The following NDST3 variants were observed in gnomAD, a reference collection of about 807,000 sequenced individuals.
NDST3 encodes the protein bifunctional heparan sulfate N-deacetylase/N-sulfotransferase 3.
NDST3 carries 58 observed loss-of-function variants against 96.1 expected under a neutral mutation model. The observed-to-expected ratio is 0.60, with a 90% CI of 0.49 to 0.75. NDST3 has a LOEUF of 0.75. NDST3 is among the 30% of genes least tolerant of loss of function. The probability of loss-of-function intolerance (pLI) is 0.00; values close to 1 mark genes in which losing one functional copy is unlikely to be tolerated. For synonymous variants in NDST3, 333 were observed against 359.7 expected (o/e 0.93, Z 0.84); for missense variants, 788 against 1,034.2 (o/e 0.76, Z 3.27).
intron 4 of NDST3, among the ~76,000 whole-genome samples, chr4:118,124,477 C>A (rs898847381): frequency 1.3e-5 from 2 of 152,032 alleles, no homozygotes; most frequent in Admixed American, 1.3e-4. Context: ...CCTTACTTGG[C>A]AAATGAGGGA....
intron 2 of NDST3, among the ~76,000 whole-genome samples, chr4:118,098,415 G>T (rs2389525): frequency 0.75 from 114,340 of 151,810 alleles, 45,701 homozygotes; most frequent in South Asian, 0.92. Flanking sequence ...TTTTGACTAA[G>T]CATGTCAACC....
intron 1 of NDST3, among the ~76,000 whole-genome samples, chr4:118,052,386 G>A (rs1265706653): frequency 1.3e-5 from 2 of 151,990 alleles, no homozygotes; most frequent in Non-Finnish European, 2.9e-5. Flanking sequence ...CTATTAGAGG[G>A]AGGAAGAAGG....
intron 8 of NDST3, among the ~76,000 whole-genome samples, chr4:118,228,630 T>C (rs750016724): frequency 1.7e-4 from 26 of 152,216 alleles, no homozygotes; most frequent in Non-Finnish European, 3.2e-4. Context: ...CCATTTTAAA[T>C]GTACAATTAG....
intron 4 of NDST3, among the ~76,000 whole-genome samples, chr4:118,123,187 T>C (rs902330877): frequency 2.6e-5 from 4 of 152,194 alleles, no homozygotes; most frequent in African/African-American, 7.2e-5. Flanking sequence ...CAAGCATTAC[T>C]GTCCTGGTGG....
At chr4:118,072,574 A>G (rs1418568783) in intron 2 of NDST3, among the ~76,000 whole-genome samples, 1 of 152,060 alleles carries the variant, frequency 6.6e-6, no homozygotes, top group African/African-American at 2.4e-5. Flanking sequence ...TTGTACATTG[A>G]CTTTGTATCT....
chr4:118,216,419 G>A (rs1350361078), intron 6 of NDST3, among the ~76,000 whole-genome samples: 3 of 152,104 alleles, frequency 2.0e-5, no homozygotes, highest in Admixed American at 6.6e-5. Context: ...CAATTACTAT[G>A]TGGCAGGCAG....
intron 1 of NDST3, among the ~76,000 whole-genome samples, chr4:118,049,349 C>G (rs1011238221): frequency 6.6e-5 from 10 of 151,102 alleles, no homozygotes; most frequent in Non-Finnish European, 1.5e-4. Context: ...CCACAGCTGG[C>G]AGAAAAAAAT....
chr4:118,238,275 C>T (rs1323509451), intron 10 of NDST3, among the ~76,000 whole-genome samples: 2 of 152,056 alleles, frequency 1.3e-5, no homozygotes, highest in African/African-American at 2.4e-5. Flanking sequence ...GAGAGCCTAA[C>T]ATGTCTAAAT....
At chr4:118,169,607 A>C (rs9998199) in intron 6 of NDST3, among the ~76,000 whole-genome samples, 10,085 of 152,152 alleles carry the variant, frequency 0.066, 735 homozygotes, top group African/African-American at 0.18. Flanking sequence ...TAGCCTGGCC[A>C]ACATGGCAAA....
At chr4:118,128,069 T>C (rs940999741) in intron 4 of NDST3, among the ~76,000 whole-genome samples, 5 of 152,138 alleles carry the variant, frequency 3.3e-5, no homozygotes, top group African/African-American at 1.2e-4. Flanking sequence ...GTTTATCAGT[T>C]CTAATAGTTT....
chr4:118,034,133 G>A (rs1724020548), upstream of NDST3, among the ~76,000 whole-genome samples: 1 of 152,202 alleles, frequency 6.6e-6, no homozygotes, highest in South Asian at 2.1e-4. Flanking sequence ...AGCCTCTTGA[G>A]TGACTGTGGG....
chr4:118,106,585 T>C (rs1160785889), intron 3 of NDST3, among the ~76,000 whole-genome samples: 1 of 152,106 alleles, frequency 6.6e-6, no homozygotes, highest in African/African-American at 2.4e-5. Flanking sequence ...ACATCTGGAA[T>C]TGATTTTTGT....
At chr4:118,052,571 G>T (rs757356328) in intron 1 of NDST3, among the ~76,000 whole-genome samples, 1 of 151,892 alleles carries the variant, frequency 6.6e-6, no homozygotes, top group South Asian at 2.1e-4. Context: ...TTCCTTAGGT[G>T]CCCAGGTAAA....
At chr4:118,218,199 A>G (rs1229153087) in intron 6 of NDST3, among the ~76,000 whole-genome samples, 1 of 152,186 alleles carries the variant, frequency 6.6e-6, no homozygotes, top group African/African-American at 2.4e-5. Context: ...TTATAAGATC[A>G]GCATCATCCC....
chr4:118,053,466 T>C (rs946277563), intron 1 of NDST3, among the ~76,000 whole-genome samples: 1 of 151,996 alleles, frequency 6.6e-6, no homozygotes, highest in Non-Finnish European at 1.5e-5. Flanking sequence ...GTGGTCTTTG[T>C]TGTATAGTAT....
At chr4:118,185,065 G>A (rs1283833763) in intron 6 of NDST3, among the ~76,000 whole-genome samples, 2 of 152,100 alleles carry the variant, frequency 1.3e-5, no homozygotes, top group Admixed American at 6.6e-5. Context: ...TTCGTTAAGA[G>A]ACACCAATGC....
At chr4:118,186,488 G>C (rs62326152) in intron 6 of NDST3, among the ~76,000 whole-genome samples, 5,535 of 152,210 alleles carry the variant, frequency 0.036, 151 homozygotes, top group Middle Eastern at 0.11. Flanking sequence ...TAATGTTCGA[G>C]GACAGGAGGC....
At chr4:118,200,792 T>A (rs1182948829) in intron 6 of NDST3, among the ~76,000 whole-genome samples, 5 of 152,322 alleles carry the variant, frequency 3.3e-5, no homozygotes, top group Admixed American at 6.5e-5. Flanking sequence ...TCTTTTTTTT[T>A]AATTTCAACT....
Position 118,114,835 on chromosome 4 carries a change from T to A in NDST3, c.1099T>A (p.Cys367Ser). The change falls in exon 4 of 14, where the codon TGT becomes AGT. Residue 367 changes from cysteine to serine, a missense_variant. Around this residue, in one of 3 missense-constraint regions of NDST3, gnomAD observed 490 missense variants for 708.8 expected, o/e 0.69. Transcript: ENST00000296499. ...TGAAGAGGAAGATGAAGGAGATGAC[T>A]GTCTGTTGGGGTCTGTGGATGAGTT... Reference protein sequence around the residue: ...GTEEEDEGDDCLLGSVDEFWW... With the variant: ...GTEEEDEGDDSLLGSVDEFWW... 1 of 1,613,998 alleles carries A rather than the reference T, an allele frequency of 6.2e-7. No homozygotes were observed. The highest frequency in any genetic ancestry group is 8.5e-7 in the Non-Finnish European group (1 of 1,179,876).
Sources: gnomAD v4.1 joint callset for allele counts (sites outside exome capture counted in the v4.1 genomes callset) on GRCh38, gnomAD v4.1.1 for gene constraint, gnomAD v4.1.1 regional missense constraint, MANE v1.5 for transcripts, NCBI Gene and HGNC (gene_info 2026-07-23, HGNC 2026-07-21) for gene names.